Variants in RAB27A observed in about 807,000 individuals in gnomAD.
RAB27A encodes ras-related protein Rab-27A.
Under a neutral mutation model 20.8 loss-of-function variants are expected in RAB27A, and 17 were observed. The ratio of observed to expected loss-of-function variants is 0.82; its 90% CI spans 0.56 to 1.23. The LOEUF (loss-of-function observed/expected upper bound fraction) is 1.23, where lower values mean the gene tolerates loss of function less well. RAB27A is among the 50% of genes most tolerant of loss of function. The pLI is 0.00. For synonymous variants in RAB27A, 85 were observed against 92.8 expected, an observed-to-expected ratio of 0.92 and a Z score of 0.48; for missense variants, 277 against 266.7, an observed-to-expected ratio of 1.04 and a Z score of -0.27.
At chr15:55,271,527 C>T (rs917738532) in intron 1 of RAB27A, among the ~76,000 whole-genome samples, 3 of 152,230 alleles carry the variant, frequency 2.0e-5, no homozygotes, top group African/African-American at 4.8e-5. Context: ...GAATCAGCTC[C>T]TTGGCTCCTT....
intron 5 of RAB27A, among the ~76,000 whole-genome samples, chr15:55,225,977 T>C (rs1374173815): frequency 6.6e-6 from 1 of 152,022 alleles, no homozygotes; most frequent in Non-Finnish European, 1.5e-5. Context: ...AGAACTCCAG[T>C]TGGTTAAAAA....
At chr15:55,278,940 T>G (rs1403657960) in intron 1 of RAB27A, among the ~76,000 whole-genome samples, 1 of 152,226 alleles carries the variant, frequency 6.6e-6, no homozygotes, top group Non-Finnish European at 1.5e-5. Context: ...ATACCATTTC[T>G]GAACTCAAAA....
At chr15:55,252,938 G>T (rs751368761) in intron 2 of RAB27A, among the ~76,000 whole-genome samples, 2 of 151,586 alleles carry the variant, frequency 1.3e-5, no homozygotes, top group Non-Finnish European at 2.9e-5. Flanking sequence ...ATCGAGACCA[G>T]CTGGCCAACA....
intron 2 of RAB27A, among the ~76,000 whole-genome samples, chr15:55,262,641 GT>G (rs112757960): frequency 7.0e-5 from 10 of 142,886 alleles, no homozygotes; most frequent in Admixed American, 4.2e-4. Context: ...CTTTTTTTTT[GT>G]TTTTTTTTGA....
intron 2 of RAB27A, among the ~76,000 whole-genome samples, chr15:55,298,410 C>T (rs76495640): frequency 0.038 from 5,833 of 152,156 alleles, 393 homozygotes; most frequent in African/African-American, 0.14. Context: ...GCTGCAAAAA[C>T]CACCAAGTTT....
chr15:55,310,783 T>C (rs2055016891), intron 2 of RAB27A, among the ~76,000 whole-genome samples: 1 of 152,234 alleles, frequency 6.6e-6, no homozygotes, highest in African/African-American at 2.4e-5. Context: ...AGTTTCTTTC[T>C]AATGTCTGCA....
intron 2 of RAB27A, among the ~76,000 whole-genome samples, chr15:55,303,821 CG>C (rs2054985964): frequency 7.5e-6 from 1 of 133,060 alleles, no homozygotes; most frequent in Non-Finnish European, 1.6e-5. Context: ...CCAGCCGCCC[CG>C]TCCGGGAGGG....
chr15:55,288,733 C>G (rs999891679), intron 1 of RAB27A: 13 of 151,648 alleles, frequency 8.6e-5, no homozygotes, highest in African/African-American at 3.2e-4. Flanking sequence ...GTTCCTTCAG[C>G]ATTATATTAA....
intron 6 of RAB27A, among the ~76,000 whole-genome samples, chr15:55,216,060 G>C (rs889434917): frequency 6.6e-6 from 1 of 151,548 alleles, no homozygotes; most frequent in Non-Finnish European, 1.5e-5. Flanking sequence ...TAACCTCTGT[G>C]CCTCCGCTGC....
At chr15:55,255,189 G>C (rs1451118609) in intron 2 of RAB27A, among the ~76,000 whole-genome samples, 1 of 152,038 alleles carries the variant, frequency 6.6e-6, no homozygotes, top group Non-Finnish European at 1.5e-5. Context: ...CTTTTCTCCT[G>C]GTTCCAGTAA....
chr15:55,217,322 A>T (rs147276163), intron 6 of RAB27A, among the ~76,000 whole-genome samples: 1 of 152,210 alleles, frequency 6.6e-6, no homozygotes, highest in Non-Finnish European at 1.5e-5. Flanking sequence ...AAACTAGATG[A>T]GAGCCATAGA....
intron 2 of RAB27A, among the ~76,000 whole-genome samples, chr15:55,262,036 C>CA (rs75960374): frequency 0.011 from 928 of 83,774 alleles, 8 homozygotes; most frequent in African/African-American, 0.027. Flanking sequence ...GACTCCATCC[C>CA]AAAAAAAAAA....
rs138440504 is a variant in RAB27A at position 55,251,839 on chromosome 15, A to G, written c.-22-16883T>C. ...GAAATTTCTAGTATTAGGCTCAGCT[A>G]ATGTCTGTGTCATGAGGAGTGTTTT... On this transcript the variant is annotated intron_variant, in intron 2 of 6. Coordinates refer to ENST00000336787, the MANE Select transcript of RAB27A (RefSeq NM_183235.3). Among the ~76,000 whole-genome samples the G allele has an allele frequency of 9.5e-4, 145 of 152,278 alleles. 1 individual carries two copies. Among genetic ancestry groups the G allele is most frequent in the Middle Eastern group, 3.4e-3 (1 of 294 alleles).
At chr15:55,268,587 T>C (rs1367274190) in intron 2 of RAB27A, among the ~76,000 whole-genome samples, 1 of 152,120 alleles carries the variant, frequency 6.6e-6, no homozygotes, top group Non-Finnish European at 1.5e-5. Context: ...TACAACTCAA[T>C]GGAAGCAATA....
In RAB27A at chr15:55,223,990, A is replaced by G; in HGVS notation, c.366T>C (p.Tyr122=). Residue 122 remains tyrosine, a synonymous_variant, in exon 6 of 7, where the codon TAT becomes TAC. Coordinates refer to ENST00000336787, the MANE Select transcript of RAB27A (RefSeq NM_183235.3). ...NWISQLQMHA[Y]CENPDIVLCG... ...ACAGCACTATATCTGGGTTTTCACA[A>G]TATGCATGCATCTGTAGCTGGCCTA... The G allele has an allele frequency of 6.3e-7, 1 of 1,589,398 alleles. No individual in the cohort carries two copies. Among genetic ancestry groups the G allele is most frequent in the African/African-American group, 1.3e-5 (1 of 74,434 alleles).
At chr15:55,231,925 A>T (rs778212165) in intron 3 of RAB27A, among the ~76,000 whole-genome samples, 6 of 152,182 alleles carry the variant, frequency 3.9e-5, no homozygotes, top group South Asian at 2.1e-4. Context: ...AAAAAAATTT[A>T]AAGAAAAAAA....
intron 2 of RAB27A, among the ~76,000 whole-genome samples, chr15:55,246,020 G>A (rs1312662245): frequency 1.3e-5 from 2 of 151,902 alleles, no homozygotes; most frequent in African/African-American, 4.8e-5. Flanking sequence ...GTAGGTTCAC[G>A]GGCGATAATG....
intron 6 of RAB27A, among the ~76,000 whole-genome samples, chr15:55,219,689 G>A (rs780935003): frequency 5.3e-5 from 8 of 152,244 alleles, no homozygotes; most frequent in African/African-American, 1.4e-4. Flanking sequence ...CACTGACTTC[G>A]TAGCTATCTT....
chr15:55,310,804 T>G (rs1455369786), intron 2 of RAB27A, among the ~76,000 whole-genome samples: 3 of 152,170 alleles, frequency 2.0e-5, no homozygotes, highest in African/African-American at 4.8e-5. Context: ...GCTGACTGAG[T>G]GATAAACTTA....
Sources: allele counts gnomAD v4.1 joint callset (sites outside exome capture counted in the v4.1 genomes callset), GRCh38; gene constraint gnomAD v4.1.1; transcripts MANE v1.5; gene names NCBI Gene and HGNC (gene_info 2026-07-23, HGNC 2026-07-21).